SV2B: variants seen among roughly 807,000 people sequenced by gnomAD.
SV2B encodes solute carrier family 22 member B2.
SV2B carries 41 observed loss-of-function variants against 73.9 expected under a neutral mutation model. That is an observed-to-expected ratio of 0.56 (90% CI 0.43 to 0.72). The LOEUF (loss-of-function observed/expected upper bound fraction) is 0.72. Among genes scored for constraint, SV2B ranks in the 30% least tolerant of loss-of-function variants. SV2B has a pLI of 0.00. For synonymous variants in SV2B, 314 were observed against 314.2 expected (o/e 1.00, Z 0.01); for missense variants, 764 against 857.8 (o/e 0.89, Z 1.37).
chr15:91,182,544 T>C (rs1350825061), intron 1 of SV2B, among the ~76,000 whole-genome samples: 1 of 152,206 alleles, frequency 6.6e-6, no homozygotes, highest in African/African-American at 2.4e-5. Flanking sequence ...AGCTTGATTC[T>C]CTTGAAGGCC....
chr15:91,184,093 A>G (rs1401647706), intron 1 of SV2B, among the ~76,000 whole-genome samples: 1 of 152,208 alleles, frequency 6.6e-6, no homozygotes, highest in African/African-American at 2.4e-5. Context: ...AATTCAGTGC[A>G]TGAGAGAGAC....
At chr15:91,160,373 C>T (rs780738024) in intron 1 of SV2B, among the ~76,000 whole-genome samples, 11 of 152,140 alleles carry the variant, frequency 7.2e-5, no homozygotes, top group Non-Finnish European at 1.2e-4. Context: ...CTTGGGAGAC[C>T]AAGGCAGGCA....
At chr15:91,237,723 G>C (rs2046844855) in intron 2 of SV2B, among the ~76,000 whole-genome samples, 1 of 152,148 alleles carries the variant, frequency 6.6e-6, no homozygotes, top group African/African-American at 2.4e-5. Context: ...GAGATGGCAG[G>C]GTTTTTGCTT....
chr15:91,228,129 TC>T (rs1217942620), intron 2 of SV2B, among the ~76,000 whole-genome samples: 1 of 152,158 alleles, frequency 6.6e-6, no homozygotes, highest in Non-Finnish European at 1.5e-5. Context: ...TAAAAAATTG[TC>T]CCTGGGGGCT....
intron 1 of SV2B, among the ~76,000 whole-genome samples, chr15:91,148,318 C>T (rs1490394567): frequency 6.6e-6 from 1 of 151,988 alleles, no homozygotes; most frequent in Non-Finnish European, 1.5e-5. Flanking sequence ...ATTTTAGAGC[C>T]CCTCTGCCTC....
At chr15:91,285,494 C>T (rs976322275) in intron 11 of SV2B, among the ~76,000 whole-genome samples, 1 of 152,206 alleles carries the variant, frequency 6.6e-6, no homozygotes, top group Admixed American at 6.5e-5. Context: ...TAGCCCCAAA[C>T]ACCAAGCTTT....
Position 91,128,166 on chromosome 15 carries a change from C to G in SV2B, c.-392+27803C>G, listed in dbSNP as rs1418198911. Among the ~76,000 whole-genome samples the G allele has an allele frequency of 6.6e-6, 1 of 152,184 alleles. No homozygotes were observed. Among genetic ancestry groups the G allele is most frequent in the Non-Finnish European group, 1.5e-5 (1 of 68,032 alleles). The stretch of plus-strand genomic sequence containing the variant: ...CTCTGGGGACAAATCCCATCACCAA[C>G]TCAGCTCTTTGTGTAGCGGAGATTT... On this transcript the variant is annotated intron_variant, in intron 1 of 12. Transcript: ENST00000394232. This position sits in a 1 kb window ranked among gnomAD's most constrained non-coding sequence, Gnocchi z 4.2.
intron 1 of SV2B, among the ~76,000 whole-genome samples, chr15:91,113,215 T>C (rs2042084815): frequency 6.6e-6 from 1 of 152,214 alleles, no homozygotes; most frequent in South Asian, 2.1e-4. Context: ...CCTGGGCACA[T>C]AGACTACATC....
intron 9 of SV2B, among the ~76,000 whole-genome samples, chr15:91,273,813 C>T (rs544961896): frequency 1.3e-5 from 2 of 152,228 alleles, no homozygotes; most frequent in South Asian, 2.1e-4. Flanking sequence ...TCTCCCTCGC[C>T]GGAGGTCATG....
chr15:91,176,686 C>G (rs1197265379), intron 1 of SV2B, among the ~76,000 whole-genome samples: 1 of 151,674 alleles, frequency 6.6e-6, no homozygotes, highest in Admixed American at 6.6e-5. Context: ...GCATAAATGT[C>G]TTCTTTTGAG....
chr15:91,191,059 G>GTTTTTTT (rs1161482690), intron 1 of SV2B, among the ~76,000 whole-genome samples: 2 of 59,734 alleles, frequency 3.3e-5, no homozygotes, highest in African/African-American at 1.2e-4. Flanking sequence ...TTTTTTTGGT[G>GTTTTTTT]TTTCTTTTTT....
At position 91,240,692 on chromosome 15, in the gene SV2B, G is replaced by A. The variant is rs2046974502; in HGVS notation, c.452-11127G>A. On this transcript the variant is annotated intron_variant, in intron 2 of 12. Transcript: ENST00000394232. This position sits in a 1 kb window ranked among gnomAD's most constrained non-coding sequence, Gnocchi z 4.6. ...CCAAGATCAGGACTAATTTCATTAT[G>A]CTCTTTATCCCTGTATGTCAATCAC... is the stretch of plus-strand genomic sequence containing the variant. 6.6e-6 allele frequency among the ~76,000 whole-genome samples: 1 copy of A among 152,014 alleles called. No homozygotes were observed. Among genetic ancestry groups the A allele is most frequent in the Non-Finnish European group, 1.5e-5 (1 of 68,014 alleles).
At chr15:91,180,446 G>C (rs950646322) in intron 1 of SV2B, among the ~76,000 whole-genome samples, 14 of 151,940 alleles carry the variant, frequency 9.2e-5, no homozygotes, top group Non-Finnish European at 2.9e-5. Flanking sequence ...GGCCTGCCTT[G>C]CTAGATTGGA....
At chr15:91,215,781 AC>A (rs1349125382) in intron 1 of SV2B, among the ~76,000 whole-genome samples, 1 of 152,104 alleles carries the variant, frequency 6.6e-6, no homozygotes, top group Non-Finnish European at 1.5e-5. Context: ...TTGTTATGTG[AC>A]GTATGGCTTG....
chr15:91,152,609 G>C (rs899808978), intron 1 of SV2B, among the ~76,000 whole-genome samples: 1 of 152,148 alleles, frequency 6.6e-6, no homozygotes, highest in Admixed American at 6.5e-5. Flanking sequence ...CCATAGGAAA[G>C]AAATTAAATG....
chr15:91,101,358 T>C (rs1226261038), intron 1 of SV2B, among the ~76,000 whole-genome samples: 1 of 152,134 alleles, frequency 6.6e-6, no homozygotes, highest in Non-Finnish European at 1.5e-5. Context: ...AGGTGACTTG[T>C]TCTGCTTGTT....
rs2046686818 is a variant in SV2B at position 91,234,095 on chromosome 15, A to G, written c.451+7381A>G. 6.6e-6 allele frequency among the ~76,000 whole-genome samples: 1 copy of G among 152,198 alleles called. No homozygotes were observed. Among genetic ancestry groups the G allele is most frequent in the African/African-American group, 2.4e-5 (1 of 41,454 alleles). On this transcript the variant is annotated intron_variant, in intron 2 of 12. Transcript: ENST00000394232. The surrounding 1 kb of genome is among the most constrained non-coding windows in gnomAD (Gnocchi z 5.6). ...CTATTTGTTTCATTGGTTGGCTGAA[A>G]TGTAGACCAAAATGTGGCCCATAGT...
At chr15:91,204,499 A>T (rs1426397586) in intron 1 of SV2B, among the ~76,000 whole-genome samples, 2 of 149,086 alleles carry the variant, frequency 1.3e-5, no homozygotes, top group African/African-American at 4.9e-5. Context: ...TTTTTTTGAG[A>T]TTTACACACA....
At chr15:91,163,126 G>A (rs1423148139) in intron 1 of SV2B, among the ~76,000 whole-genome samples, 3 of 152,150 alleles carry the variant, frequency 2.0e-5, no homozygotes, top group Non-Finnish European at 2.9e-5. Flanking sequence ...GTATTCCATG[G>A]TGTATATGTG....
Sources: allele counts gnomAD v4.1 joint callset (sites outside exome capture counted in the v4.1 genomes callset), GRCh38; gene constraint gnomAD v4.1.1; non-coding constraint Gnocchi (gnomAD v3.1); transcripts MANE v1.5; gene names NCBI Gene and HGNC (gene_info 2026-07-23, HGNC 2026-07-21).